The following NT5E variants were observed in gnomAD, a reference collection of about 807,000 sequenced individuals.
NT5E encodes 5'-nucleotidase ecto, also known as 5'-nucleotidase.
Under a neutral mutation model 55.1 loss-of-function variants are expected in NT5E, and 53 were observed. The observed-to-expected ratio is 0.96, with a 90% confidence interval of 0.77 to 1.21. NT5E has a LOEUF of 1.21. Ranked by LOEUF, NT5E falls within the 50% of genes most tolerant of loss-of-function variation. The probability of loss-of-function intolerance (pLI) is 0.00; values close to 1 mark genes in which losing one functional copy is unlikely to be tolerated. For missense variants in NT5E, 683 were observed against 724.3 expected (o/e 0.94, Z 0.65); for synonymous variants, 270 against 278.4 (o/e 0.97, Z 0.30).
At chr6:85,486,365 A>G (rs1460733873) in intron 4 of NT5E, among the ~76,000 whole-genome samples, 2 of 152,250 alleles carry the variant, frequency 1.3e-5, no homozygotes, top group African/African-American at 4.8e-5. Flanking sequence ...GAAACAGGAC[A>G]TGAAGCTAGA....
At chr6:85,485,837 TCA>T (rs1249688953) in intron 4 of NT5E, among the ~76,000 whole-genome samples, 1 of 152,358 alleles carries the variant, frequency 6.6e-6, no homozygotes, top group East Asian at 1.9e-4. Flanking sequence ...CTCATGGGCC[TCA>T]GTTTCTTTAT....
At position 85,450,642 on chromosome 6, in the gene NT5E, C is replaced by T. The variant is rs1457838045; in HGVS notation, c.339+164C>T. Reference sequence around the variant, plus strand: ...GTGTGCCAGCTGGATGCATAGAAGTCCCTTGGACGATTCGTCTTAAACGGA... The same window carrying T: ...GTGTGCCAGCTGGATGCATAGAAGTTCCTTGGACGATTCGTCTTAAACGGA... On this transcript the variant is annotated intron_variant, in intron 1 of 8. Coordinates refer to ENST00000257770, the MANE Select transcript of NT5E (RefSeq NM_002526.4). This position sits in a 1 kb window ranked among gnomAD's most constrained non-coding sequence, Gnocchi z 4.0. Among the ~76,000 whole-genome samples, 1 of 152,170 alleles carries T rather than the reference C, an allele frequency of 6.6e-6. No homozygotes were observed. Among genetic ancestry groups the T allele is most frequent in the East Asian group, 1.9e-4 (1 of 5,190 alleles).
chr6:85,469,287 A>T (rs1001190737), intron 2 of NT5E, among the ~76,000 whole-genome samples: 1 of 151,818 alleles, frequency 6.6e-6, no homozygotes, highest in East Asian at 1.9e-4. Flanking sequence ...ATTTCTCTGA[A>T]TTTTTTTTCC....
intron 3 of NT5E, among the ~76,000 whole-genome samples, chr6:85,483,003 T>C (rs1271518786): frequency 6.6e-6 from 1 of 152,194 alleles, no homozygotes; most frequent in Non-Finnish European, 1.5e-5. Context: ...GACAAAAGGA[T>C]CATGAAGGTC....
chr6:85,478,936 ATGGCT>A (rs1674678398), intron 3 of NT5E, among the ~76,000 whole-genome samples: 1 of 152,064 alleles, frequency 6.6e-6, no homozygotes, highest in South Asian at 2.1e-4. Context: ...ACTGAACAAA[ATGGCT>A]TCTCCTTAAA....
intron 1 of NT5E, among the ~76,000 whole-genome samples, chr6:85,454,442 T>C (rs1329665680): frequency 6.6e-6 from 1 of 152,262 alleles, no homozygotes; most frequent in East Asian, 1.9e-4. Flanking sequence ...TGGACATTTT[T>C]TGATATGTTT....
chr6:85,485,464 T>C (rs777823945), intron 4 of NT5E, 32 bp downstream of exon 4: 7 of 1,605,596 alleles, frequency 4.4e-6, no homozygotes, highest in Non-Finnish European at 6.0e-6. Context: ...GTTCCACCAA[T>C]CTAAAATTTA....
chr6:85,462,723 A>G (rs1450372904), intron 1 of NT5E, among the ~76,000 whole-genome samples: 1 of 152,244 alleles, frequency 6.6e-6, no homozygotes, highest in East Asian at 1.9e-4. Context: ...CCATTTTGGT[A>G]TGATTTGGTG....
rs1293424065 is a variant in NT5E, at chr6:85,470,555, A to T, written c.563-682A>T. ...AGCCTCCGCCTGGCAGGTTCAAGAC[A>T]TTCTCCTGCCTCAGCCTTCCAAGTA... is the stretch of plus-strand genomic sequence containing the variant. On this transcript the variant is annotated intron_variant, in intron 2 of 8. Transcript: ENST00000257770. 2.0e-5 allele frequency among the ~76,000 whole-genome samples: 3 copies of T among 152,194 alleles called. No individual in the cohort carries two copies. The East Asian group carries it at 5.8e-4, about 29-fold the overall frequency.
intron 1 of NT5E, among the ~76,000 whole-genome samples, chr6:85,464,016 A>T (rs1237320100): frequency 6.7e-6 from 1 of 149,688 alleles, no homozygotes; most frequent in Admixed American, 6.7e-5. Context: ...AGTACTAACT[A>T]CTTGCACTGT....
intron 4 of NT5E, among the ~76,000 whole-genome samples, chr6:85,486,028 G>A (rs1769651903): frequency 6.6e-6 from 1 of 152,194 alleles, no homozygotes; most frequent in Non-Finnish European, 1.5e-5. Flanking sequence ...GTCCTGCGGT[G>A]CCAACAATGC....
At chr6:85,455,007 G>A (rs767822697) in intron 1 of NT5E, among the ~76,000 whole-genome samples, 3 of 152,214 alleles carry the variant, frequency 2.0e-5, no homozygotes, top group East Asian at 1.9e-4. Flanking sequence ...GGACCAGGTT[G>A]GACCAGAGTG....
intron 1 of NT5E, among the ~76,000 whole-genome samples, chr6:85,451,819 G>A (rs1348775904): frequency 6.6e-6 from 1 of 152,196 alleles, no homozygotes; most frequent in Non-Finnish European, 1.5e-5. Flanking sequence ...TTGGAGAAAG[G>A]AGGACAGGAA....
At chr6:85,456,825 A>G (rs1010288289) in intron 1 of NT5E, among the ~76,000 whole-genome samples, 20 of 152,180 alleles carry the variant, frequency 1.3e-4, no homozygotes, top group African/African-American at 4.8e-4. Context: ...GACTGGGATC[A>G]AGTCCCCTTC....
intron 5 of NT5E, among the ~76,000 whole-genome samples, chr6:85,488,325 C>T (rs994466700): frequency 3.3e-4 from 50 of 152,160 alleles, no homozygotes; most frequent in African/African-American, 1.2e-3. Context: ...GCCCAGTGCC[C>T]AGGATACAAC....
Position 85,485,437 on chromosome 6 carries a change from G to C in NT5E, c.949+5G>C. 6.2e-7 allele frequency: 1 copy of C among 1,613,668 alleles called. No homozygotes were observed. ...TAAACAGCAGCATTCCTGAAGGTAA[G>C]TGAAGTTCAGGGGAATGTTCCACCA... On this transcript the variant is annotated splice_donor_5th_base_variant and intron_variant, in intron 4 of 8. Transcript: ENST00000257770.
At position 85,493,873 on chromosome 6, in the gene NT5E, A is replaced by G. The variant is rs1213182250; in HGVS notation, c.1594A>G (p.Ile532Val). The change falls in exon 9 of 9, where the codon ATC becomes GTC. Residue 532 changes from isoleucine to valine, a missense_variant. Transcript: ENST00000257770. ...AGATATCAACGTGGTTTCTACATATATCTCCAAAATGAAAGTAATTTATCC... is the reference window on the plus strand; with the variant it reads ...AGATATCAACGTGGTTTCTACATATGTCTCCAAAATGAAAGTAATTTATCC... ...DQDINVVSTY[I>V]SKMKVIYPAV... 3.7e-6 allele frequency: 6 copies of G among 1,613,890 alleles called. No individual in the cohort carries two copies. The highest frequency in any genetic ancestry group is 5.1e-6 in the Non-Finnish European group (6 of 1,179,924).
chr6:85,453,406 T>G (rs561238150), intron 1 of NT5E, among the ~76,000 whole-genome samples: 1 of 152,230 alleles, frequency 6.6e-6, no homozygotes, highest in South Asian at 2.1e-4. Context: ...AAGGGAAGGT[T>G]TGGGTTGTGC....
chr6:85,495,776 G>A lies in NT5E; in HGVS notation c.*1772G>A, dbSNP rs1769882366. The A allele has an allele frequency of 6.6e-6, 1 of 152,134 alleles. No homozygotes were observed. The highest frequency in any genetic ancestry group is 1.5e-5 in the Non-Finnish European group (1 of 68,016). 9.4% of individuals were successfully genotyped at this position (152,134 alleles called of 1,614,324 possible). On this transcript the variant is annotated 3_prime_UTR_variant, in exon 9 of 9. Transcript: ENST00000257770. The stretch of plus-strand genomic sequence containing the variant: ...GTAGATTCCCAACAATAAAATTGAA[G>A]ATAAGCTCTTTGGTCTTTGATAGTT...
Sources: gnomAD v4.1 joint callset for allele counts (sites outside exome capture counted in the v4.1 genomes callset) on GRCh38, gnomAD v4.1.1 for gene constraint, Gnocchi (gnomAD v3.1) non-coding constraint, MANE v1.5 for transcripts, NCBI Gene and HGNC (gene_info 2026-07-23, HGNC 2026-07-21) for gene names.